Variants in SPON1 observed in about 807,000 individuals in gnomAD.
The protein encoded by SPON1 is spondin 1, also known as spondin-1.
A neutral mutation model predicts 111.7 loss-of-function variants in SPON1; 52 were observed. The observed-to-expected ratio is 0.47, with a 90% CI of 0.37 to 0.59. SPON1 has a LOEUF of 0.59. Ranked by LOEUF, SPON1 falls within the 20% of genes least tolerant of loss-of-function variation. SPON1 has a pLI of 0.00. For synonymous variants in SPON1, 410 were observed against 395.8 expected (o/e 1.04, Z -0.43); for missense variants, 957 against 1,068.5 (o/e 0.90, Z 1.46).
intron 2 of SPON1, among the ~76,000 whole-genome samples, chr11:13,994,089 T>C (rs781956652): frequency 2.0e-5 from 3 of 152,196 alleles, no homozygotes; most frequent in Non-Finnish European, 2.9e-5. Flanking sequence ...AAATATTTAG[T>C]GGCATTTAAT....
intron 4 of SPON1, among the ~76,000 whole-genome samples, 174 bp downstream of exon 4, chr11:14,075,592 C>T (rs2178242): frequency 0.24 from 36,120 of 152,030 alleles, 4,937 homozygotes; most frequent in East Asian, 0.56. Context: ...TAATTGGATC[C>T]GCCTTAAGCT....
Position 14,075,343 on chromosome 11 carries a change from AG to A in SPON1, c.481del. On this transcript the variant is annotated splice_acceptor_variant, in intron 3 of 15. Transcript: ENST00000576479. LOFTEE classifies it high-confidence loss of function. The stretch of plus-strand genomic sequence containing the variant: ...CTGTGCTTGGGTCTTCTTTCTTCAC[AG>A]GGCCAGCATCGTACAAAAACGCATT... 1 of 1,556,434 alleles carries A rather than the reference AG, an allele frequency of 6.4e-7. No homozygotes were observed. The highest frequency in any genetic ancestry group is 8.7e-7 in the Non-Finnish European group (1 of 1,148,930).
chr11:14,013,398 A>G (rs1174155354), intron 2 of SPON1, among the ~76,000 whole-genome samples: 1 of 152,200 alleles, frequency 6.6e-6, no homozygotes, highest in Admixed American at 6.5e-5. Context: ...GTAAAGAATT[A>G]TAGTCATTTT....
At chr11:14,202,670 A>G (rs1848476032) in intron 6 of SPON1, among the ~76,000 whole-genome samples, 1 of 152,138 alleles carries the variant, frequency 6.6e-6, no homozygotes, top group Non-Finnish European at 1.5e-5. Context: ...TTTCACTTTC[A>G]ATCATGCCAG....
intron 1 of SPON1, among the ~76,000 whole-genome samples, chr11:13,980,026 T>G (rs1332684442): frequency 6.6e-6 from 1 of 151,702 alleles, no homozygotes; most frequent in Admixed American, 6.6e-5. Context: ...TGCTTTATTG[T>G]GCTTTTTTTC....
At chr11:14,185,985 C>T (rs547333991) in intron 6 of SPON1, among the ~76,000 whole-genome samples, 1 of 152,320 alleles carries the variant, frequency 6.6e-6, no homozygotes, top group South Asian at 2.1e-4. Flanking sequence ...TTGGTAATAA[C>T]AATATGCATC....
intron 6 of SPON1, among the ~76,000 whole-genome samples, chr11:14,221,753 G>T (rs1554937619): frequency 6.6e-6 from 1 of 152,176 alleles, no homozygotes; most frequent in African/African-American, 2.4e-5. Context: ...AAGGGCATTT[G>T]TTCTTCCACA....
chr11:13,967,991 C>T (rs1465091946), intron 1 of SPON1, among the ~76,000 whole-genome samples: 5 of 152,048 alleles, frequency 3.3e-5, no homozygotes, highest in African/African-American at 1.2e-4. Context: ...TTGAGTACTC[C>T]CCCATACACA....
chr11:14,215,080 C>T lies in SPON1; in HGVS notation c.826-28252C>T, dbSNP rs188909797. Among the ~76,000 whole-genome samples, 149 of 152,130 alleles carry T rather than the reference C, an allele frequency of 9.8e-4. 1 individual carries two copies. The highest frequency in any genetic ancestry group is 2.0e-3 in the Admixed American group (31 of 15,250). On this transcript the variant is annotated intron_variant, in intron 6 of 15. Coordinates refer to ENST00000576479, the MANE Select transcript of SPON1 (RefSeq NM_006108.4). ...TTGTTTTTTTAAGAGATGAGAGTCT[C>T]ACCATGTTATTCAGGCTGGAGTGGC...
At chr11:14,020,448 T>G (rs539773668) in intron 2 of SPON1, among the ~76,000 whole-genome samples, 1 of 152,332 alleles carries the variant, frequency 6.6e-6, no homozygotes, top group South Asian at 2.1e-4. Flanking sequence ...AGAATGGTGA[T>G]CTCTATCATA....
intron 6 of SPON1, among the ~76,000 whole-genome samples, chr11:14,150,928 G>A (rs1044399060): frequency 2.0e-5 from 3 of 152,074 alleles, no homozygotes; most frequent in Non-Finnish European, 2.9e-5. Flanking sequence ...TCCTCTTGCT[G>A]GACCCCATCA....
chr11:13,970,478 A>G (rs782496200), intron 1 of SPON1, among the ~76,000 whole-genome samples: 4 of 152,208 alleles, frequency 2.6e-5, no homozygotes, highest in Non-Finnish European at 5.9e-5. Context: ...GAAACAGGGA[A>G]GAGTTCCAAG....
intron 6 of SPON1, among the ~76,000 whole-genome samples, chr11:14,150,291 T>G (rs1410115385): frequency 4.0e-5 from 6 of 151,038 alleles, no homozygotes; most frequent in African/African-American, 1.5e-4. Flanking sequence ...AATAGTGGAG[T>G]GTGGAATAGT....
rs186181743 is a variant in SPON1, at chr11:14,021,314, G to A, written c.346-20207G>A. Among the ~76,000 whole-genome samples the A allele has an allele frequency of 1.9e-3, 293 of 152,212 alleles. 4 individuals are homozygous for A. Among genetic ancestry groups the A allele is most frequent in the African/African-American group, 6.6e-3 (275 of 41,544 alleles). Reference sequence around the variant, plus strand: ...TGAGTGTATGAAAAAATAGTAAGTTGTGTTTAGAAGGAAATTCCATAGGCC... The same window carrying A: ...TGAGTGTATGAAAAAATAGTAAGTTATGTTTAGAAGGAAATTCCATAGGCC... On this transcript the variant is annotated intron_variant, in intron 2 of 15. Transcript: ENST00000576479.
chr11:14,047,056 A>G (rs1591360843), intron 3 of SPON1, among the ~76,000 whole-genome samples: 1 of 152,088 alleles, frequency 6.6e-6, no homozygotes, highest in East Asian at 1.9e-4. Flanking sequence ...GAATTTGGGC[A>G]CTGCTGAACT....
At chr11:14,134,152 G>A (rs74484760) in intron 5 of SPON1, among the ~76,000 whole-genome samples, 217 of 152,032 alleles carry the variant, frequency 1.4e-3, no homozygotes, top group African/African-American at 5.0e-3. Context: ...TGTTAGTTGG[G>A]TTCACCCAGT....
chr11:14,067,750 A>T (rs1211088625), intron 3 of SPON1, among the ~76,000 whole-genome samples: 1 of 152,212 alleles, frequency 6.6e-6, no homozygotes, highest in East Asian at 1.9e-4. Context: ...GAAGGCTGGG[A>T]AAGCAGGAAC....
chr11:14,237,610 A>T (rs1196657080), intron 6 of SPON1, among the ~76,000 whole-genome samples: 1 of 152,232 alleles, frequency 6.6e-6, no homozygotes. Flanking sequence ...GTAAGAAACA[A>T]GCTGTTGAAT....
intron 3 of SPON1, among the ~76,000 whole-genome samples, chr11:14,062,974 T>C (rs1370944692): frequency 6.6e-6 from 1 of 151,968 alleles, no homozygotes; most frequent in Non-Finnish European, 1.5e-5. Context: ...CTTACACAGA[T>C]GAGGAGATAG....
Sources: gnomAD v4.1 joint callset for allele counts (sites outside exome capture counted in the v4.1 genomes callset) on GRCh38, gnomAD v4.1.1 for gene constraint, MANE v1.5 for transcripts, NCBI Gene and HGNC (gene_info 2026-07-23, HGNC 2026-07-21) for gene names.